VCAN: variants seen among roughly 807,000 people sequenced by gnomAD.
VCAN encodes versican core protein.
In VCAN, 44 loss-of-function variants were observed where a neutral mutation model predicts 245.5. The ratio of observed to expected loss-of-function variants is 0.18; its 90% CI spans 0.14 to 0.23. The LOEUF (loss-of-function observed/expected upper bound fraction) is 0.23. Ranked by LOEUF, VCAN falls within the 10% of genes least tolerant of loss-of-function variation. The pLI, the probability that VCAN is intolerant of heterozygous loss-of-function variation, is 1.00. For missense variants in VCAN, 3,793 were observed against 4,057.9 expected, an observed-to-expected ratio of 0.93 and a Z score of 1.77; for synonymous variants, 1,413 against 1,437.0, an observed-to-expected ratio of 0.98 and a Z score of 0.38.
chr5:83,537,760 T>G lies in VCAN; in HGVS notation c.4757T>G (p.Ile1586Arg). ...KSTSVTYTPT[I>R]VPSSASAYVS... ...ACTTCTGTCACATACACTCCCACTA[T>G]AGTTCCAAGTTCTGCATCAGCATAT... The change falls in exon 8 of 15, where the codon ATA (isoleucine) becomes AGA (arginine). Residue 1586 changes from isoleucine (I) to arginine (R), a missense_variant. Coordinates refer to ENST00000265077, the MANE Select transcript of VCAN (RefSeq NM_004385.5). The G allele has an allele frequency of 1.9e-6, 3 of 1,614,010 alleles. No homozygotes were observed. The highest frequency in any genetic ancestry group is 2.5e-6 in the Non-Finnish European group (3 of 1,179,954).
chr5:83,510,201 A>C (rs1745609513), intron 5 of VCAN, among the ~76,000 whole-genome samples: 1 of 152,114 alleles, frequency 6.6e-6, no homozygotes, highest in South Asian at 2.1e-4. Flanking sequence ...GGTGAAAGTA[A>C]TTTCTCTCTC....
chr5:83,482,142 G>T (rs947488290), intron 1 of VCAN, among the ~76,000 whole-genome samples: 5 of 152,188 alleles, frequency 3.3e-5, no homozygotes, highest in Non-Finnish European at 7.4e-5. Flanking sequence ...AAGGACTTAC[G>T]CCTTGCCTTT....
At chr5:83,517,646 A>G (rs1449982264) in intron 6 of VCAN, among the ~76,000 whole-genome samples, 1 of 152,228 alleles carries the variant, frequency 6.6e-6, no homozygotes, top group African/African-American at 2.4e-5. Context: ...CAATCAAAAT[A>G]GAACAACGCT....
chr5:83,547,875 C>A, intron 9 of VCAN, 96 bp from the exon 10 acceptor site: 1 of 842,108 alleles, frequency 1.2e-6, no homozygotes, highest in Non-Finnish European at 2.0e-6. Context: ...TCAAATTTAA[C>A]TGGCTGTCTT....
chr5:83,550,508 A>G (rs1456580654), intron 10 of VCAN, among the ~76,000 whole-genome samples: 2 of 152,238 alleles, frequency 1.3e-5, no homozygotes, highest in Non-Finnish European at 2.9e-5. Context: ...ATTTCTATGA[A>G]TAGTATCTCC....
rs1746940560 is a variant in VCAN, at chr5:83,540,750, A to G, written c.7747A>G (p.Thr2583Ala). Reference sequence around the variant, plus strand: ...AAATACTATCATAGATATTGATCATACTAAACCTGTGTATGAAGACATTCT... The same window carrying G: ...AAATACTATCATAGATATTGATCATGCTAAACCTGTGTATGAAGACATTCT... ...DKNTIIDIDH[T>A]KPVYEDILGM... Residue 2583 changes from threonine (T) to alanine (A), a missense_variant, in exon 8 of 15, where the codon ACT becomes GCT. By Grantham distance (58) the Thr-to-Ala change is moderately conservative (BLOSUM62 0). Around this residue, in one of 5 missense-constraint regions of VCAN, gnomAD observed 3,182 missense variants for 3,250.3 expected, o/e 0.98. Transcript: ENST00000265077. The G allele has an allele frequency of 6.2e-7, 1 of 1,613,926 alleles. No individual in the cohort carries two copies. Among genetic ancestry groups the G allele is most frequent in the Non-Finnish European group, 8.5e-7 (1 of 1,179,994 alleles).
intron 7 of VCAN, among the ~76,000 whole-genome samples, chr5:83,523,761 G>A (rs1746189787): frequency 6.6e-6 from 1 of 151,916 alleles, no homozygotes; most frequent in African/African-American, 2.4e-5. Flanking sequence ...ATTGTTTCTT[G>A]GAAATCATAA....
At chr5:83,489,768 T>A (rs1023424593) in intron 2 of VCAN, among the ~76,000 whole-genome samples, 9 of 152,044 alleles carry the variant, frequency 5.9e-5, no homozygotes, top group African/African-American at 2.2e-4. Flanking sequence ...CGGATTCTAG[T>A]CTGCCCTTCT....
At chr5:83,566,483 A>C (rs1210195754) in intron 12 of VCAN, among the ~76,000 whole-genome samples, 1 of 149,140 alleles carries the variant, frequency 6.7e-6, no homozygotes. Flanking sequence ...CCTAGACACT[A>C]TGTAATCAGA....
chr5:83,572,396 T>G lies in VCAN; in HGVS notation c.9736-20T>G. The G allele has an allele frequency of 6.2e-7, 1 of 1,613,816 alleles. No individual in the cohort carries two copies. Among genetic ancestry groups the G allele is most frequent in the Non-Finnish European group, 8.5e-7 (1 of 1,179,774 alleles). ...ACTTTTTGACTAGCAAGTAGTTACC[T>G]TCTCCCTCCATTTTTACAGCAATAC... is the stretch of plus-strand genomic sequence containing the variant. On this transcript the variant is annotated intron_variant, in intron 12 of 14. Transcript: ENST00000265077.
rs758617685 is a variant in VCAN at position 83,537,251 on chromosome 5, C to T, written c.4248C>T (p.Leu1416=). The change falls in exon 8 of 15, where the codon CTC becomes CTT. Residue 1416 remains leucine (L), a synonymous_variant. Transcript: ENST00000265077. ...TGCAGTACATAAATGGGAAGCATCT[C>T]GTTACCACTGTGCCCAAGGACCCAG... ...PSVQYINGKH[L]VTTVPKDPEA... 1.7e-5 allele frequency: 28 copies of T among 1,613,784 alleles called. No homozygotes were observed. The highest frequency in any genetic ancestry group is 2.7e-5 in the African/African-American group (2 of 74,916).
At position 83,572,583 on chromosome 5, in the gene VCAN, T is replaced by C. The variant is rs776988319; in HGVS notation, c.9880+23T>C. On this transcript the variant is annotated intron_variant, in intron 13 of 14. Coordinates refer to ENST00000265077, the MANE Select transcript of VCAN (RefSeq NM_004385.5). ...CAGGTAATGATCACCCTGTTAATAATGTGTACTTAATCTTCATTTCAATTA... is the reference window on the plus strand; with the variant it reads ...CAGGTAATGATCACCCTGTTAATAACGTGTACTTAATCTTCATTTCAATTA... 3 of 1,613,262 alleles carry C rather than the reference T, an allele frequency of 1.9e-6. No homozygotes were observed. The South Asian group carries it at 3.3e-5, about 18-fold the overall frequency.
chr5:83,545,701 T>A (rs1290770772), intron 9 of VCAN, 51 bp downstream of exon 9: 17 of 1,337,792 alleles, frequency 1.3e-5, no homozygotes, highest in Non-Finnish European at 1.7e-5. Context: ...GAAGATATAT[T>A]GGGGGAGAAT....
intron 2 of VCAN, among the ~76,000 whole-genome samples, chr5:83,487,928 A>G (rs759551686): frequency 6.6e-6 from 1 of 152,202 alleles, no homozygotes; most frequent in Non-Finnish European, 1.5e-5. Flanking sequence ...GAAGACATAT[A>G]TTTTAAACTA....
At chr5:83,526,344 T>C (rs754675505) in intron 7 of VCAN, among the ~76,000 whole-genome samples, 1 of 152,254 alleles carries the variant, frequency 6.6e-6, no homozygotes, top group Non-Finnish European at 1.5e-5. Flanking sequence ...ATTTTAATTA[T>C]AGAAAAATTA....
intron 1 of VCAN, among the ~76,000 whole-genome samples, chr5:83,477,166 A>G (rs1382546343): frequency 2.6e-5 from 4 of 152,168 alleles, no homozygotes; most frequent in African/African-American, 9.7e-5. Flanking sequence ...TCAAAAGAGT[A>G]AGTACTTTGA....
intron 7 of VCAN, among the ~76,000 whole-genome samples, chr5:83,534,462 CT>C (rs1454579690): frequency 1.3e-5 from 2 of 151,948 alleles, no homozygotes; most frequent in Non-Finnish European, 2.9e-5. Context: ...ACCCATGTTT[CT>C]TATTTAAAAT....
chr5:83,570,936 A>G (rs1748264640), intron 12 of VCAN, among the ~76,000 whole-genome samples: 1 of 152,006 alleles, frequency 6.6e-6, no homozygotes, highest in Non-Finnish European at 1.5e-5. Context: ...AATTCACTTA[A>G]CTCATTGTCT....
In VCAN at chr5:83,519,344, T is replaced by G. The variant is rs773222720; in HGVS notation, c.1043-5T>G. On this transcript the variant is annotated splice_polypyrimidine_tract_variant and splice_region_variant and intron_variant, in intron 6 of 14. Transcript: ENST00000265077. ...CTAATCAACTCTTTGAAATTATTTT[T>G]CTAGCTAAAGAGGCTACAACCATCG... The G allele has an allele frequency of 5.6e-6, 9 of 1,613,574 alleles. No individual in the cohort carries two copies. Among genetic ancestry groups the G allele is most frequent in the Middle Eastern group, 1.7e-4 (1 of 6,058 alleles).
Sources: gnomAD v4.1 joint callset for allele counts (sites outside exome capture counted in the v4.1 genomes callset) on GRCh38, gnomAD v4.1.1 for gene constraint, gnomAD v4.1.1 regional missense constraint, MANE v1.5 for transcripts, NCBI Gene and HGNC (gene_info 2026-07-23, HGNC 2026-07-21) for gene names.